Variants in CRY2 observed in about 807,000 individuals in gnomAD.
CRY2 encodes the protein cryptochrome circadian regulator 2, also known as cryptochrome-2.
CRY2 carries 31 observed loss-of-function variants against 69.5 expected under a neutral mutation model. The ratio of observed to expected loss-of-function variants is 0.45; its 90% confidence interval spans 0.34 to 0.60. The LOEUF is 0.60. Ranked by LOEUF, CRY2 falls within the 20% of genes least tolerant of loss-of-function variation. The pLI, the probability that CRY2 is intolerant of heterozygous loss-of-function variation, is 0.02. For missense variants in CRY2, 606 were observed against 797.8 expected (o/e 0.76, Z 2.90); for synonymous variants, 303 against 312.2 (o/e 0.97, Z 0.31).
At chr11:45,871,076 T>C (rs1382291974) in intron 10 of CRY2, 142 bp downstream of exon 10, 5 of 654,084 alleles carry the variant, frequency 7.6e-6, no homozygotes, top group Non-Finnish European at 1.3e-5. Flanking sequence ...GAAACCAAGT[T>C]GGATCATTTC....
At chr11:45,864,150 A>G (rs2086311148) in intron 5 of CRY2, among the ~76,000 whole-genome samples, 1 of 152,186 alleles carries the variant, frequency 6.6e-6, no homozygotes, top group Non-Finnish European at 1.5e-5. Context: ...ACCAATGTGC[A>G]GGTGATACAC....
chr11:45,863,136 C>T (rs1470405428), intron 5 of CRY2, among the ~76,000 whole-genome samples: 3 of 152,196 alleles, frequency 2.0e-5, no homozygotes. Flanking sequence ...TTTCCTTCAG[C>T]CTGGGACGAA....
At chr11:45,864,627 G>T (rs1311573564) in intron 5 of CRY2, among the ~76,000 whole-genome samples, 3 of 151,840 alleles carry the variant, frequency 2.0e-5, no homozygotes, top group Non-Finnish European at 4.4e-5. Context: ...CAGCACTTTG[G>T]GAGGCCGAGG....
rs370995078 is a variant in CRY2 at position 45,847,529 on chromosome 11, G to A, written c.39G>A (p.Pro13=). The A allele has an allele frequency of 1.1e-3, 1,669 of 1,586,872 alleles. 1 individual carries two copies. Among genetic ancestry groups the A allele is most frequent in the Non-Finnish European group, 1.3e-3 (1,531 of 1,171,208 alleles). Reference sequence around the variant, plus strand: ...TGGCGACGGCGGCAGCTGTGGCCCCGGCGCCAGCGCCCGGCACGGACAGCG... The same window carrying A: ...TGGCGACGGCGGCAGCTGTGGCCCCAGCGCCAGCGCCCGGCACGGACAGCG... ...ATVATAAAVA[P]APAPGTDSAS... The change falls in exon 1 of 12, where the codon CCG becomes CCA. Residue 13 remains proline, a synonymous_variant. Transcript: ENST00000616080.
intron 5 of CRY2, among the ~76,000 whole-genome samples, chr11:45,863,241 G>A (rs928002866): frequency 6.6e-6 from 1 of 152,222 alleles, no homozygotes; most frequent in African/African-American, 2.4e-5. Flanking sequence ...GAAGACAAAG[G>A]TTGGGCCAAG....
At chr11:45,874,323 T>C (rs1184694329) in intron 11 of CRY2, among the ~76,000 whole-genome samples, 1 of 151,016 alleles carries the variant, frequency 6.6e-6, no homozygotes, top group Non-Finnish European at 1.5e-5. Context: ...GCTAGAAATG[T>C]GGGGGTCTAT....
Position 45,858,839 on chromosome 11 carries a change from A to T in CRY2, c.433A>T (p.Thr145Ser). Residue 145 changes from threonine to serine, a missense_variant, in exon 3 of 12, where the codon ACG becomes TCG. By Grantham distance (58) the Thr-to-Ser change is moderately conservative. This residue lies in a region of CRY2 where 382 missense variants were observed against 508.9 expected (regional missense o/e 0.75). Transcript: ENST00000616080. Reference sequence around the variant, plus strand: ...CAAGGAGGCTGGTGTGGAAGTAGTGACGGAGAATTCTCATACCCTCTATGA... The same window carrying T: ...CAAGGAGGCTGGTGTGGAAGTAGTGTCGGAGAATTCTCATACCCTCTATGA... ...MAKEAGVEVV[T>S]ENSHTLYDLD... 1 of 1,614,164 alleles carries T rather than the reference A, an allele frequency of 6.2e-7. No individual in the cohort carries two copies. Among genetic ancestry groups the T allele is most frequent in the Non-Finnish European group, 8.5e-7 (1 of 1,180,026 alleles).
At chr11:45,872,705 T>G (rs1811641968) in intron 11 of CRY2, among the ~76,000 whole-genome samples, 1 of 152,222 alleles carries the variant, frequency 6.6e-6, no homozygotes, top group Admixed American at 6.5e-5. Context: ...TTGTATTTTT[T>G]TGCCAGCTAA....
intron 11 of CRY2, among the ~76,000 whole-genome samples, chr11:45,875,285 G>A (rs2086416806): frequency 6.6e-6 from 1 of 152,206 alleles, no homozygotes; most frequent in African/African-American, 2.4e-5. Context: ...TATTATTGTA[G>A]AGGACACAAG....
chr11:45,882,362 G>A lies in CRY2; in HGVS notation c.*1451G>A. 2.8e-6 allele frequency: 1 copy of A among 351,094 alleles called. No individual in the cohort carries two copies. Among genetic ancestry groups the A allele is most frequent in the Admixed American group, 4.8e-5 (1 of 20,862 alleles). 21.7% of individuals were successfully genotyped at this position (351,094 alleles called of 1,614,324 possible). A position where few individuals can be genotyped will look rare whatever the true frequency, so the allele number is the denominator to read the frequency against. ...TGTCCTCACGTGTATCATTAAGCTG[G>A]CCTTTGGGCCTTTTCCTTTCTACCT... On this transcript the variant is annotated 3_prime_UTR_variant, in exon 12 of 12. Coordinates refer to ENST00000616080, the MANE Select transcript of CRY2 (RefSeq NM_021117.5).
At chr11:45,878,147 A>G (rs1360494470) in intron 11 of CRY2, among the ~76,000 whole-genome samples, 1 of 152,232 alleles carries the variant, frequency 6.6e-6, no homozygotes, top group African/African-American at 2.4e-5. Flanking sequence ...CACTTTGGAA[A>G]GTCGATGGAG....
At chr11:45,878,377 T>C (rs999296369) in intron 11 of CRY2, among the ~76,000 whole-genome samples, 3 of 152,170 alleles carry the variant, frequency 2.0e-5, no homozygotes, top group Non-Finnish European at 2.9e-5. Flanking sequence ...ATGGAGGTGT[T>C]GGGCAAGGAG....
intron 1 of CRY2, among the ~76,000 whole-genome samples, chr11:45,855,725 G>T (rs144674407): frequency 6.6e-6 from 1 of 152,128 alleles, no homozygotes; most frequent in South Asian, 2.1e-4. Context: ...TCACATTACC[G>T]GCGAGAAAAC....
In CRY2 at chr11:45,870,077, G is replaced by A. The variant is rs927874152; in HGVS notation, c.1219G>A (p.Ala407Thr). The A allele has an allele frequency of 1.9e-6, 3 of 1,608,844 alleles. No homozygotes were observed. The highest frequency in any genetic ancestry group is 2.5e-6 in the Non-Finnish European group (3 of 1,177,176). ...GGTATTTGATGAGCTGCTCCTGGAT[G>A]CAGATTTCAGCGTGAACGCAGGCAG... is the stretch of plus-strand genomic sequence containing the variant. Reference protein sequence around the residue: ...VRVFDELLLDADFSVNAGSWM... With the variant: ...VRVFDELLLDTDFSVNAGSWM... The change falls in exon 8 of 12, where the codon GCA (alanine) becomes ACA (threonine). Residue 407 changes from alanine (A) to threonine (T), a missense_variant. Physicochemically the swap from Ala to Thr is moderately conservative, Grantham distance 58. This residue lies in a region of CRY2 where 382 missense variants were observed against 508.9 expected (regional missense o/e 0.75). Transcript: ENST00000616080.
At position 45,872,183 on chromosome 11, in the gene CRY2, C is replaced by G. The variant is rs749068712; in HGVS notation, c.1734C>G (p.Ala578=). The G allele has an allele frequency of 1.9e-6, 3 of 1,614,104 alleles. No homozygotes were observed. The East Asian group carries it at 6.7e-5, about 36-fold the overall frequency. The change falls in exon 11 of 12, where the codon GCC becomes GCG. Residue 578 remains alanine (A), a synonymous_variant. Coordinates refer to ENST00000616080, the MANE Select transcript of CRY2 (RefSeq NM_021117.5). The part of the protein sequence containing the change: ...EPPGEELSKR[A]RVAELPTPEL... ...CTGGTGAAGAACTCAGCAAACGGGC[C>G]CGGGTGGCAGAGTTGCCAACCCCAG...
intron 11 of CRY2, among the ~76,000 whole-genome samples, chr11:45,879,232 A>G (rs1250846054): frequency 6.6e-6 from 1 of 151,692 alleles, no homozygotes; most frequent in East Asian, 1.9e-4. Flanking sequence ...TCTGTCTCAA[A>G]AAAAAAAAAA....
chr11:45,869,464 C>G (rs529577788), intron 6 of CRY2, 42 bp from the exon 7 acceptor site: 1 of 1,558,036 alleles, frequency 6.4e-7, no homozygotes, highest in African/African-American at 1.3e-5. Context: ...ATGCTAAGAG[C>G]TGGGCGAGTG....
chr11:45,860,386 T>TAAAA (rs34068985), intron 3 of CRY2, among the ~76,000 whole-genome samples: 1 of 130,460 alleles, frequency 7.7e-6, no homozygotes, highest in African/African-American at 2.9e-5. Flanking sequence ...ATGTTAGAGT[T>TAAAA]AAAAAAAAAA....
chr11:45,867,438 T>G, intron 5 of CRY2, 174 bp from the exon 6 acceptor site: 1 of 704,260 alleles, frequency 1.4e-6, no homozygotes, highest in Non-Finnish European at 2.3e-6. Context: ...ATAGACTCGT[T>G]GTTTGGTCTG....
Sources: allele counts gnomAD v4.1 joint callset (sites outside exome capture counted in the v4.1 genomes callset), GRCh38; gene constraint gnomAD v4.1.1; regional missense constraint gnomAD v4.1.1; transcripts MANE v1.5; gene names NCBI Gene and HGNC (gene_info 2026-07-23, HGNC 2026-07-21).